The following MDGA1 variants were observed in gnomAD, a reference collection of about 807,000 sequenced individuals.
MDGA1 encodes the protein MAM domain-containing glycosylphosphatidylinositol anchor protein 1.
MDGA1 carries 54 observed loss-of-function variants against 101.5 expected under a neutral mutation model. That is an observed-to-expected ratio of 0.53 (90% CI 0.43 to 0.67). MDGA1 has a LOEUF of 0.67. Among genes scored for constraint, MDGA1 ranks in the 30% least tolerant of loss-of-function variants. MDGA1 has a pLI of 0.00. For synonymous variants in MDGA1, 533 were observed against 558.3 expected, an observed-to-expected ratio of 0.95 and a Z score of 0.64; for missense variants, 1,083 against 1,323.8, an observed-to-expected ratio of 0.82 and a Z score of 2.82.
chr6:37,667,233 A>T (rs1011931161), intron 1 of MDGA1, among the ~76,000 whole-genome samples: 9 of 152,206 alleles, frequency 5.9e-5, no homozygotes, highest in Admixed American at 3.9e-4. Context: ...TTCGGTGGAC[A>T]GTGGTAGCTG....
chr6:37,646,128 T>A, intron 11 of MDGA1, 70 bp downstream of exon 11: 1 of 1,551,652 alleles, frequency 6.4e-7, no homozygotes, highest in Admixed American at 1.9e-5. Context: ...AGGAACCACA[T>A]GAGGATGGTG....
chr6:37,654,898 C>T lies in MDGA1; in HGVS notation c.614G>A (p.Arg205Gln), dbSNP rs754419009. 1.8e-5 allele frequency: 29 copies of T among 1,613,474 alleles called. No individual in the cohort carries two copies. The highest frequency in any genetic ancestry group is 2.2e-5 in the Non-Finnish European group (26 of 1,179,818). ...GGTGTAGCTGGCATAGTCCTGGGGC[C>T]GCAGGTTCTTCAGCTTCAGGACCTT... ...ETKVLKLKNL[R>Q]PQDYASYTCQ... is the part of the protein sequence containing the mutation. Residue 205 changes from arginine (R) to glutamine (Q), a missense_variant, in exon 5 of 17, where the codon CGG (arginine) becomes CAG (glutamine). Around this residue, in one of 3 missense-constraint regions of MDGA1, gnomAD observed 310 missense variants for 355.9 expected, o/e 0.87. Coordinates refer to ENST00000434837, the MANE Select transcript of MDGA1 (RefSeq NM_153487.4).
At chr6:37,641,506 C>T (rs1232721598) in intron 14 of MDGA1, among the ~76,000 whole-genome samples, 2 of 152,202 alleles carry the variant, frequency 1.3e-5, no homozygotes, top group Non-Finnish European at 2.9e-5. Context: ...CACCCCCAGG[C>T]TAATGCCTCC....
rs765116222 is a variant in MDGA1 at position 37,645,974 on chromosome 6, G to A, written c.2225-18C>T. On this transcript the variant is annotated intron_variant, in intron 11 of 16. Coordinates refer to ENST00000434837, the MANE Select transcript of MDGA1 (RefSeq NM_153487.4). ...GTTGATGGCTGAGAAAGCAAGCGGG[G>A]AAACCAAGTCAGAACTGAGGTGTGG... 15 of 1,614,000 alleles carry A rather than the reference G, an allele frequency of 9.3e-6. No individual in the cohort carries two copies. The highest frequency in any genetic ancestry group is 3.3e-5 in the Admixed American group (2 of 60,026).
intron 2 of MDGA1, among the ~76,000 whole-genome samples, chr6:37,659,147 A>G (rs1047008874): frequency 4.6e-5 from 7 of 152,054 alleles, no homozygotes; most frequent in South Asian, 2.1e-4. Flanking sequence ...TCATCCTCCA[A>G]TGACTGCACC....
chr6:37,696,386 C>T lies in MDGA1; in HGVS notation c.67+359G>A, dbSNP rs1762419400. 6.6e-6 allele frequency among the ~76,000 whole-genome samples: 1 copy of T among 152,214 alleles called. No homozygotes were observed. The highest frequency in any genetic ancestry group is 1.9e-4 in the East Asian group (1 of 5,188). On this transcript the variant is annotated intron_variant, in intron 1 of 16. Coordinates refer to ENST00000434837, the MANE Select transcript of MDGA1 (RefSeq NM_153487.4). The surrounding 1 kb of genome is among the most constrained non-coding windows in gnomAD (Gnocchi z 5.6). The stretch of plus-strand genomic sequence containing the variant: ...CATCGCTTGGCTTCCACTCCGGAGG[C>T]CGAGCCAGGACGAGGTTTCGGTGCA...
rs955365450 is a variant in MDGA1, at chr6:37,697,136, G to A, written c.-325C>T. ...CGGGTACCCAGGGCCGTCCGCGCGG[G>A]ATGCTAGGCGCCGGGGACCTCTCGG... is the stretch of plus-strand genomic sequence containing the variant. On this transcript the variant is annotated 5_prime_UTR_variant, in exon 1 of 17. Coordinates refer to ENST00000434837, the MANE Select transcript of MDGA1 (RefSeq NM_153487.4). 2.8e-5 allele frequency: 7 copies of A among 248,148 alleles called. No individual in the cohort carries two copies. The highest frequency in any genetic ancestry group is 5.3e-5 in the Non-Finnish European group (7 of 132,324). 15.4% of individuals were successfully genotyped at this position (248,148 alleles called of 1,614,324 possible). A position where few individuals can be genotyped will look rare whatever the true frequency, so the allele number is the denominator to read the frequency against.
At position 37,644,050 on chromosome 6, in the gene MDGA1, GCCCCACGCATCCTGCCTCA is replaced by G. The variant is rs1413498453; in HGVS notation, c.2402-126_2402-108del. The stretch of plus-strand genomic sequence containing the variant: ...CTGCGGGCTGAATCTGAAGTGCCTC[GCCCCACGCATCCTGCCTCA>G]CCCCACGCATCCTGCCTCACCCCAC... On this transcript the variant is annotated intron_variant, in intron 13 of 16. Transcript: ENST00000434837. 2.6e-4 allele frequency: 372 copies of G among 1,413,658 alleles called. 2 individuals are homozygous for G. Among genetic ancestry groups the G allele is most frequent in the Middle Eastern group, 1.5e-3 (6 of 3,924 alleles). 87.6% of individuals were successfully genotyped at this position (1,413,658 alleles called of 1,614,324 possible). A position where few individuals can be genotyped will look rare whatever the true frequency, so the allele number is the denominator to read the frequency against.
Position 37,668,823 on chromosome 6 carries a change from C to A in MDGA1, c.68-4717G>T, listed in dbSNP as rs554524806. 5.8e-4 allele frequency among the ~76,000 whole-genome samples: 89 copies of A among 152,178 alleles called. 1 individual carries two copies. The highest frequency in any genetic ancestry group is 1.1e-3 in the Non-Finnish European group (72 of 68,010). ...ATTTGCTGGGAAGGGCACAAGAGAA[C>A]TAACTTTTTCTCTCTTTCTCTCTCT... On this transcript the variant is annotated intron_variant, in intron 1 of 16. Transcript: ENST00000434837.
In MDGA1 at chr6:37,655,571, G is replaced by C; in HGVS notation, c.579+129C>G. ...CCCCAGGCTGTCTGAACTCCAATCAGAATGTGTGTTTCCAAAGTAAGAATA... is the reference window on the plus strand; with the variant it reads ...CCCCAGGCTGTCTGAACTCCAATCACAATGTGTGTTTCCAAAGTAAGAATA... On this transcript the variant is annotated intron_variant, in intron 4 of 16. Coordinates refer to ENST00000434837, the MANE Select transcript of MDGA1 (RefSeq NM_153487.4). The surrounding 1 kb of genome is among the most constrained non-coding windows in gnomAD (Gnocchi z 5.1). The C allele has an allele frequency of 1.4e-6, 1 of 729,138 alleles. No individual in the cohort carries two copies. Among genetic ancestry groups the C allele is most frequent in the Admixed American group, 3.0e-5 (1 of 33,352 alleles). The allele number at this position is 729,138 out of a possible 1,614,324, so 45.2% of individuals were successfully genotyped here.
chr6:37,679,617 G>A (rs1432301560), intron 1 of MDGA1, among the ~76,000 whole-genome samples: 1 of 152,090 alleles, frequency 6.6e-6, no homozygotes, highest in Non-Finnish European at 1.5e-5. Flanking sequence ...CGCCTCCCTG[G>A]TGGCAGCCTC....
In MDGA1 at chr6:37,633,182, AAC is replaced by A. The variant is rs138772362; in HGVS notation, c.*4184_*4185del. ...CAGGAAAGAGTGGTCCTTCTGCCCC[AAC>A]ACACACACACACACACACAAACACA... On this transcript the variant is annotated 3_prime_UTR_variant, in exon 17 of 17. Coordinates refer to ENST00000434837, the MANE Select transcript of MDGA1 (RefSeq NM_153487.4). 2.6e-3 allele frequency: 393 copies of A among 148,630 alleles called. 2 individuals carry two copies. Among genetic ancestry groups the A allele is most frequent in the African/African-American group, 6.5e-3 (266 of 40,728 alleles). 9.2% of individuals were successfully genotyped at this position (148,630 alleles called of 1,614,324 possible). A position where few individuals can be genotyped will look rare whatever the true frequency, so the allele number is the denominator to read the frequency against.
chr6:37,650,463 G>A, intron 7 of MDGA1, 58 bp from the exon 8 acceptor site: 7 of 1,420,684 alleles, frequency 4.9e-6, no homozygotes, highest in Non-Finnish European at 5.5e-6. Flanking sequence ...CTCCCCACTG[G>A]GCTCTGCCTT....
intron 1 of MDGA1, among the ~76,000 whole-genome samples, chr6:37,695,958 T>G (rs1294834124): frequency 6.6e-6 from 1 of 151,962 alleles, no homozygotes; most frequent in African/African-American, 2.4e-5. Flanking sequence ...GGGGAAGGGG[T>G]AACCAGAGTC....
intron 7 of MDGA1, among the ~76,000 whole-genome samples, chr6:37,650,829 C>G (rs1761344019): frequency 6.6e-6 from 1 of 152,198 alleles, no homozygotes; most frequent in South Asian, 2.1e-4. Flanking sequence ...CCCTTTCGTC[C>G]TAAGTAATAG....
chr6:37,655,328 A>G lies in MDGA1; in HGVS notation c.579+372T>C. On this transcript the variant is annotated intron_variant, in intron 4 of 16. Coordinates refer to ENST00000434837, the MANE Select transcript of MDGA1 (RefSeq NM_153487.4). This position sits in a 1 kb window ranked among gnomAD's most constrained non-coding sequence, Gnocchi z 5.1. ...GGCATCACCACCATCTCCTGGGACTATCAGGGCCCATGGGAAGAGGAGTCA... is the reference window on the plus strand; with the variant it reads ...GGCATCACCACCATCTCCTGGGACTGTCAGGGCCCATGGGAAGAGGAGTCA... The G allele has an allele frequency of 3.0e-6, 1 of 330,492 alleles. No individual in the cohort carries two copies. The highest frequency in any genetic ancestry group is 4.7e-5 in the South Asian group (1 of 21,254). The allele number at this position is 330,492 out of a possible 1,614,324, so 20.5% of individuals were successfully genotyped here.
intron 2 of MDGA1, among the ~76,000 whole-genome samples, chr6:37,660,987 T>C (rs562518707): frequency 6.3e-4 from 96 of 152,334 alleles, no homozygotes; most frequent in African/African-American, 2.3e-3. Flanking sequence ...ATTTGGATAT[T>C]GCAAAATACA....
chr6:37,644,354 C>A, intron 13 of MDGA1, 143 bp downstream of exon 13: 6 of 933,344 alleles, frequency 6.4e-6, no homozygotes, highest in Non-Finnish European at 9.1e-6. Context: ...GCTGTGTCTC[C>A]CCTCAGACCA....
chr6:37,656,227 GC>G (rs1761484198), intron 3 of MDGA1, among the ~76,000 whole-genome samples: 3 of 151,464 alleles, frequency 2.0e-5, no homozygotes, highest in African/African-American at 7.3e-5. Context: ...ACAGGCATAT[GC>G]CACCATGCCC....
Sources: allele counts gnomAD v4.1 joint callset (sites outside exome capture counted in the v4.1 genomes callset), GRCh38; gene constraint gnomAD v4.1.1; regional missense constraint gnomAD v4.1.1; non-coding constraint Gnocchi (gnomAD v3.1); transcripts MANE v1.5; gene names NCBI Gene and HGNC (gene_info 2026-07-23, HGNC 2026-07-21).